SASH1: variants seen among roughly 807,000 people sequenced by gnomAD.
The protein encoded by SASH1 is SAM and SH3 domain-containing protein 1.
A neutral mutation model predicts 125.2 loss-of-function variants in SASH1; 44 were observed. That is an observed-to-expected ratio of 0.35 (90% CI 0.28 to 0.45). The LOEUF (loss-of-function observed/expected upper bound fraction) is 0.45. Ranked by LOEUF, SASH1 falls within the 20% of genes least tolerant of loss-of-function variation. The pLI is 1.00. For missense variants in SASH1, 1,426 were observed against 1,614.5 expected (o/e 0.88, Z 2.00); for synonymous variants, 639 against 649.1 (o/e 0.98, Z 0.24).
chr6:148,350,141 G>A (rs1409313572), intron 1 of SASH1, among the ~76,000 whole-genome samples: 5 of 152,070 alleles, frequency 3.3e-5, no homozygotes, highest in African/African-American at 1.2e-4. Flanking sequence ...CACCGCGCCC[G>A]GCAGATTTTC....
chr6:148,304,584 T>C (rs567052682), intron 1 of SASH1, among the ~76,000 whole-genome samples: 1 of 152,058 alleles, frequency 6.6e-6, no homozygotes, highest in Non-Finnish European at 1.5e-5. Context: ...CACTCCAGCA[T>C]GGGCGACAGA....
intron 4 of SASH1, among the ~76,000 whole-genome samples, chr6:148,447,923 C>G (rs560136297): frequency 6.6e-6 from 1 of 152,238 alleles, no homozygotes; most frequent in African/African-American, 2.4e-5. Context: ...TACTCTGTCT[C>G]CCACTCTCAC....
chr6:148,322,219 C>T (rs992046437), intron 1 of SASH1, among the ~76,000 whole-genome samples: 3 of 151,902 alleles, frequency 2.0e-5, no homozygotes, highest in South Asian at 4.1e-4. Flanking sequence ...GGCATGGTGG[C>T]GGGTGCCTGT....
chr6:148,326,711 C>T (rs972277777), intron 1 of SASH1, among the ~76,000 whole-genome samples: 1 of 151,948 alleles, frequency 6.6e-6, no homozygotes, highest in African/African-American at 2.4e-5. Flanking sequence ...CGCCATATTG[C>T]TCTTATCACA....
the SASH1 span, among the ~76,000 whole-genome samples, chr6:148,225,716 T>C: frequency 6.6e-6 from 1 of 152,048 alleles, no homozygotes; most frequent in Admixed American, 6.5e-5. Context: ...CCCCAACAAC[T>C]ATGGAAATTT....
chr6:148,543,842 T>C lies in SASH1; in HGVS notation c.2372T>C (p.Leu791Pro), dbSNP rs1226925008. ...GAGGAGGGCAGGCTGGGTGGTGGCC[T>C]TGCCCCAGACACGTCCAAGAGCTGT... The part of the protein sequence containing the change: ...GQEEGRLGGG[L>P]APDTSKSCDP... The change falls in exon 18 of 20, where the codon CTT (leucine) becomes CCT (proline). Residue 791 changes from leucine to proline, a missense_variant. Leu to Pro is a moderately conservative substitution (Grantham distance 98). This residue lies in a region of SASH1 where 634 missense variants were observed against 694.4 expected (regional missense o/e 0.91). Coordinates refer to ENST00000367467, the MANE Select transcript of SASH1 (RefSeq NM_015278.5). 6.2e-7 allele frequency: 1 copy of C among 1,614,168 alleles called. No homozygotes were observed. Among genetic ancestry groups the C allele is most frequent in the Admixed American group, 1.7e-5 (1 of 60,020 alleles).
At position 148,485,235 on chromosome 6, in the gene SASH1, G is replaced by A. The variant is rs1233122025; in HGVS notation, c.628-2379G>A. On this transcript the variant is annotated intron_variant, in intron 7 of 19. Transcript: ENST00000367467. ...TCATGATAATCCCATTTTCCAACGG[G>A]CAGATACTCTCAATCATACAGGGAG... 3.3e-5 allele frequency among the ~76,000 whole-genome samples: 5 copies of A among 152,080 alleles called. No individual in the cohort carries two copies. In the East Asian group the frequency reaches 5.8e-4, roughly 18 times the overall value.
Position 148,514,354 on chromosome 6 carries a change from G to T in SASH1, c.760G>T (p.Glu254Ter). ...AGAACAATCGGATGATGAGACTGAG[G>T]AGTCGGTGAAGTTTAAGAGGTTACA... is the stretch of plus-strand genomic sequence containing the variant. ...SREQSDDETE[E>*]SVKFKRLHKL... The change falls in exon 9 of 20, where the codon GAG becomes TAG. Residue 254 changes from glutamate (E) to a stop codon, truncating the protein, a stop_gained. Coordinates refer to ENST00000367467, the MANE Select transcript of SASH1 (RefSeq NM_015278.5). LOFTEE classifies it high-confidence loss of function. 1 of 1,607,264 alleles carries T rather than the reference G, an allele frequency of 6.2e-7. No homozygotes were observed. The highest frequency in any genetic ancestry group is 1.1e-5 in the South Asian group (1 of 90,594).
chr6:148,261,139 T>C, the SASH1 span, among the ~76,000 whole-genome samples: 1 of 152,218 alleles, frequency 6.6e-6, no homozygotes, highest in African/African-American at 2.4e-5. Flanking sequence ...ATTGTCCAAA[T>C]TTTCTACTAT....
chr6:148,486,535 C>T (rs1232657940), intron 7 of SASH1, among the ~76,000 whole-genome samples: 2 of 152,140 alleles, frequency 1.3e-5, no homozygotes, highest in South Asian at 2.1e-4. Flanking sequence ...TCAAAGGTCT[C>T]CAATAACCCC....
intron 8 of SASH1, among the ~76,000 whole-genome samples, chr6:148,502,034 C>T (rs1220998293): frequency 6.6e-6 from 1 of 152,180 alleles, no homozygotes; most frequent in Non-Finnish European, 1.5e-5. Context: ...GCCTTTGCCC[C>T]AAAGGAATGG....
chr6:148,312,295 GC>G (rs1780352329), intron 1 of SASH1, among the ~76,000 whole-genome samples: 2 of 152,122 alleles, frequency 1.3e-5, no homozygotes, highest in African/African-American at 4.8e-5. Flanking sequence ...ACCTCCATAA[GC>G]CTGATCAGGA....
rs1380239297 is a variant in SASH1 at position 148,495,839 on chromosome 6, A to T, written c.729+8124A>T. On this transcript the variant is annotated intron_variant, in intron 8 of 19. Transcript: ENST00000367467. This position sits in a 1 kb window ranked among gnomAD's most constrained non-coding sequence, Gnocchi z 4.0. ...CTACTGTCTTTGTCTTCTTGTAATT[A>T]TTCATTTATTTTTTGAGAAGGAGTC... 1.3e-5 allele frequency among the ~76,000 whole-genome samples: 2 copies of T among 152,014 alleles called. No individual in the cohort carries two copies. The highest frequency in any genetic ancestry group is 2.9e-5 in the Non-Finnish European group (2 of 67,998).
intron 4 of SASH1, among the ~76,000 whole-genome samples, chr6:148,450,370 C>A (rs1777034769): frequency 6.6e-6 from 1 of 152,130 alleles, no homozygotes; most frequent in Non-Finnish European, 1.5e-5. Flanking sequence ...CCTCATACCT[C>A]CATATAACCC....
intron 1 of SASH1, among the ~76,000 whole-genome samples, chr6:148,297,102 AG>A (rs1779785530): frequency 6.6e-6 from 1 of 152,178 alleles, no homozygotes; most frequent in South Asian, 2.1e-4. Flanking sequence ...CTTCTGGAAG[AG>A]CACCCTGAAG....
chr6:148,264,184 A>G, the SASH1 span, among the ~76,000 whole-genome samples: 10 of 151,672 alleles, frequency 6.6e-5, no homozygotes, highest in Admixed American at 5.3e-4. Flanking sequence ...ACCGAAAAAA[A>G]AAAAAAAAAA....
chr6:148,200,843 G>A, the SASH1 span, among the ~76,000 whole-genome samples: 1 of 152,150 alleles, frequency 6.6e-6, no homozygotes, highest in African/African-American at 2.4e-5. Flanking sequence ...ATTAATTTTT[G>A]ATCTTTCCTT....
chr6:148,539,092 C>CT (rs58542800), intron 16 of SASH1, among the ~76,000 whole-genome samples: 2,366 of 142,938 alleles, frequency 0.017, 52 homozygotes, highest in African/African-American at 0.055. Flanking sequence ...TCCGATGCTG[C>CT]TTTTTTTTTT....
intron 8 of SASH1, among the ~76,000 whole-genome samples, chr6:148,500,129 G>C (rs1186096918): frequency 2.0e-5 from 3 of 151,688 alleles, no homozygotes; most frequent in Admixed American, 2.0e-4. Flanking sequence ...CATGTCCTTG[G>C]TCCTGTTTGG....
Sources: allele counts gnomAD v4.1 joint callset (sites outside exome capture counted in the v4.1 genomes callset), GRCh38; gene constraint gnomAD v4.1.1; regional missense constraint gnomAD v4.1.1; non-coding constraint Gnocchi (gnomAD v3.1); transcripts MANE v1.5; gene names NCBI Gene and HGNC (gene_info 2026-07-23, HGNC 2026-07-21).